TEAD1: variants seen among roughly 807,000 people sequenced by gnomAD.
The protein encoded by TEAD1 is transcriptional enhancer factor TEF-1.
Under a neutral mutation model 54.9 loss-of-function variants are expected in TEAD1, and 9 were observed. The observed-to-expected ratio is 0.16, with a 90% CI of 0.10 to 0.29. The LOEUF (loss-of-function observed/expected upper bound fraction) is 0.29. Ranked by LOEUF, TEAD1 falls within the 10% of genes least tolerant of loss-of-function variation. TEAD1 has a pLI of 1.00. For missense variants in TEAD1, 387 were observed against 535.9 expected, an observed-to-expected ratio of 0.72 and a Z score of 2.74; for synonymous variants, 200 against 187.8, an observed-to-expected ratio of 1.07 and a Z score of -0.53.
At chr11:12,820,460 C>A (rs1051402132) in intron 3 of TEAD1, among the ~76,000 whole-genome samples, 3 of 152,120 alleles carry the variant, frequency 2.0e-5, no homozygotes, top group Non-Finnish European at 2.9e-5. Flanking sequence ...CCTTCTCACC[C>A]AAACCATGAT....
chr11:12,684,378 A>G (rs187155275), intron 2 of TEAD1, among the ~76,000 whole-genome samples: 2 of 152,108 alleles, frequency 1.3e-5, no homozygotes, highest in East Asian at 3.9e-4. Context: ...TGAAAGCCAC[A>G]CTCCTAACAT....
At chr11:12,739,644 T>C (rs1392944302) in intron 2 of TEAD1, among the ~76,000 whole-genome samples, 1 of 152,178 alleles carries the variant, frequency 6.6e-6, no homozygotes, top group African/African-American at 2.4e-5. Context: ...ATATTCAAGG[T>C]CCCATTTTAT....
Position 12,937,743 on chromosome 11 carries a change from G to T in TEAD1, c.*521G>T, listed in dbSNP as rs139021692. 536 of 152,730 alleles carry T rather than the reference G, an allele frequency of 3.5e-3. 3 individuals are homozygous for T. The highest frequency in any genetic ancestry group is 8.2e-3 in the Admixed American group (126 of 15,306). 9.5% of individuals were successfully genotyped at this position (152,730 alleles called of 1,614,324 possible). On this transcript the variant is annotated 3_prime_UTR_variant, in exon 13 of 13. Transcript: ENST00000527636. ...TTAGACTTATCTTTGTAACTAATTA[G>T]GGTGGAAGTTATGAAAGAATGTAAT...
rs936999409 is a variant in TEAD1 at position 12,857,239 on chromosome 11, C to T, written c.203-5011C>T. On this transcript the variant is annotated intron_variant, in intron 3 of 12. Coordinates refer to ENST00000527636, the MANE Select transcript of TEAD1 (RefSeq NM_021961.6). ...TGAAATAAAAACTAGATTACAGTGC[C>T]TGGTGAGGATCACAGTGTAAAAGTG... is the stretch of plus-strand genomic sequence containing the variant. Among the ~76,000 whole-genome samples, 13 of 152,268 alleles carry T rather than the reference C, an allele frequency of 8.5e-5. No homozygotes were observed. The East Asian group carries it at 1.5e-3, about 18-fold the overall frequency.
chr11:12,804,994 A>T (rs1032276228), intron 3 of TEAD1, among the ~76,000 whole-genome samples: 5 of 152,232 alleles, frequency 3.3e-5, no homozygotes, highest in African/African-American at 1.2e-4. Flanking sequence ...AGTAGACTCT[A>T]GTTATAATCT....
At chr11:12,887,157 C>T (rs1228914138) in intron 9 of TEAD1, among the ~76,000 whole-genome samples, 7 of 142,802 alleles carry the variant, frequency 4.9e-5, no homozygotes, top group Non-Finnish European at 8.9e-5. Context: ...AGTGCGGTGG[C>T]GCGATCTTGG....
intron 3 of TEAD1, among the ~76,000 whole-genome samples, chr11:12,844,959 CTTTTTTTTTT>C (rs3046338): frequency 2.5e-4 from 16 of 64,658 alleles, no homozygotes; most frequent in Admixed American, 7.6e-4. Context: ...TGTATGAAAT[CTTTTTTTTTT>C]TTTTTTTTTT....
chr11:12,765,077 A>G (rs2133926811), intron 3 of TEAD1, among the ~76,000 whole-genome samples: 1 of 152,130 alleles, frequency 6.6e-6, no homozygotes, highest in African/African-American at 2.4e-5. Context: ...CACTGTCACC[A>G]TCTCCCCTTC....
intron 9 of TEAD1, 84 bp downstream of exon 9, chr11:12,883,209 C>T: frequency 6.3e-7 from 1 of 1,596,774 alleles, no homozygotes; most frequent in Non-Finnish European, 8.6e-7. Flanking sequence ...TTCTTTCCTC[C>T]TTTACCCCGC....
intron 3 of TEAD1, among the ~76,000 whole-genome samples, chr11:12,859,266 C>G (rs970695265): frequency 6.7e-6 from 1 of 150,214 alleles, no homozygotes; most frequent in Non-Finnish European, 1.5e-5. Context: ...TCACATCTAT[C>G]AAGGTATTCT....
At chr11:12,722,563 A>G (rs1944230374) in intron 2 of TEAD1, among the ~76,000 whole-genome samples, 1 of 152,144 alleles carries the variant, frequency 6.6e-6, no homozygotes, top group Admixed American at 6.6e-5. Context: ...AAAAAATAAC[A>G]TACAAATTGG....
chr11:12,775,737 G>A (rs1945402926), intron 3 of TEAD1, among the ~76,000 whole-genome samples: 1 of 152,128 alleles, frequency 6.6e-6, no homozygotes, highest in Admixed American at 6.5e-5. Flanking sequence ...GTTGCCACAG[G>A]GAGATGGGAT....
chr11:12,879,333 C>T (rs911521289), intron 5 of TEAD1: 13 of 465,426 alleles, frequency 2.8e-5, no homozygotes, highest in East Asian at 4.4e-5. Flanking sequence ...TCCTCCCATC[C>T]GTTTGCTTAA....
intron 3 of TEAD1, among the ~76,000 whole-genome samples, chr11:12,766,905 G>A (rs1054641710): frequency 3.9e-5 from 6 of 152,172 alleles, no homozygotes; most frequent in Admixed American, 1.3e-4. Flanking sequence ...CAGAAGATGC[G>A]TTGGATGCAC....
At chr11:12,818,902 A>G (rs111393876) in intron 3 of TEAD1, among the ~76,000 whole-genome samples, 299 of 152,356 alleles carry the variant, frequency 2.0e-3, no homozygotes, top group African/African-American at 6.4e-3. Flanking sequence ...TAGGTTTTGC[A>G]AGAGAGCTAC....
At chr11:12,747,281 A>G (rs1944763780) in intron 2 of TEAD1, among the ~76,000 whole-genome samples, 2 of 152,152 alleles carry the variant, frequency 1.3e-5, no homozygotes, top group South Asian at 4.1e-4. Context: ...ATAGCAGGGA[A>G]GAAGGTGGAT....
In TEAD1 at chr11:12,724,263, A is replaced by C. The variant is rs557811062; in HGVS notation, c.-54-39916A>C. On this transcript the variant is annotated intron_variant, in intron 2 of 12. Coordinates refer to ENST00000527636, the MANE Select transcript of TEAD1 (RefSeq NM_021961.6). ...AATGCTGCCCCACTATGCGCATAGT[A>C]GGAGAATCCGATATTGGCAGAATAA... Among the ~76,000 whole-genome samples, 3 of 152,340 alleles carry C rather than the reference A, an allele frequency of 2.0e-5. No individual in the cohort carries two copies. In the East Asian group the frequency reaches 5.8e-4, roughly 29 times the overall value.
intron 2 of TEAD1, among the ~76,000 whole-genome samples, chr11:12,759,401 AG>A (rs1945056833): frequency 6.8e-6 from 1 of 147,698 alleles, no homozygotes; most frequent in South Asian, 2.1e-4. Flanking sequence ...TTACACATTT[AG>A]GGAATGTGGT....
intron 10 of TEAD1, among the ~76,000 whole-genome samples, chr11:12,905,967 C>T (rs1321398062): frequency 6.6e-6 from 1 of 152,122 alleles, no homozygotes; most frequent in Non-Finnish European, 1.5e-5. Flanking sequence ...TGCCAGTTGA[C>T]ACTTGGAGGC....
Sources: gnomAD v4.1 joint callset for allele counts (sites outside exome capture counted in the v4.1 genomes callset) on GRCh38, gnomAD v4.1.1 for gene constraint, MANE v1.5 for transcripts, NCBI Gene and HGNC (gene_info 2026-07-23, HGNC 2026-07-21) for gene names.